SLC35F1: variants seen among roughly 807,000 people sequenced by gnomAD.
SLC35F1 encodes solute carrier family 35 member F1.
SLC35F1 carries 14 observed loss-of-function variants against 48.7 expected under a neutral mutation model. The observed-to-expected ratio is 0.29, with a 90% CI of 0.19 to 0.45. The LOEUF is 0.45. Among genes scored for constraint, SLC35F1 ranks in the 20% least tolerant of loss-of-function variants. The pLI is 1.00. For synonymous variants in SLC35F1, 190 were observed against 202.2 expected (o/e 0.94, Z 0.51); for missense variants, 404 against 500.0 (o/e 0.81, Z 1.83).
chr6:118,052,923 C>G (rs1352313677), intron 1 of SLC35F1, among the ~76,000 whole-genome samples: 1 of 152,050 alleles, frequency 6.6e-6, no homozygotes, highest in African/African-American at 2.4e-5. Context: ...TTTCCATAAA[C>G]TGTCTGTTAT....
chr6:117,962,074 C>T (rs1776504704), intron 1 of SLC35F1, among the ~76,000 whole-genome samples: 1 of 152,182 alleles, frequency 6.6e-6, no homozygotes, highest in South Asian at 2.1e-4. Context: ...TGTTTAGTAA[C>T]TCTTGTATTA....
At chr6:118,146,603 C>T (rs1773976521) in intron 1 of SLC35F1, among the ~76,000 whole-genome samples, 1 of 152,256 alleles carries the variant, frequency 6.6e-6, no homozygotes, top group South Asian at 2.1e-4. Flanking sequence ...CAACTTCCAG[C>T]AGTTTCATAT....
At chr6:118,001,571 A>C (rs1777095281) in intron 1 of SLC35F1, among the ~76,000 whole-genome samples, 1 of 152,108 alleles carries the variant, frequency 6.6e-6, no homozygotes, top group Non-Finnish European at 1.5e-5. Context: ...CACCAAAAGC[A>C]ATGGCAACAA....
At chr6:118,272,124 T>G (rs1775858895) in intron 4 of SLC35F1, among the ~76,000 whole-genome samples, 1 of 152,208 alleles carries the variant, frequency 6.6e-6, no homozygotes, top group Non-Finnish European at 1.5e-5. Context: ...TTATTGAGAA[T>G]GTATAATGCT....
intron 1 of SLC35F1, among the ~76,000 whole-genome samples, chr6:118,138,865 T>G (rs1318260378): frequency 6.6e-6 from 1 of 152,068 alleles, no homozygotes; most frequent in African/African-American, 2.4e-5. Flanking sequence ...TCATTTGAAT[T>G]TAGTCTCTTT....
chr6:117,946,729 T>A (rs990731921), intron 1 of SLC35F1, among the ~76,000 whole-genome samples: 4 of 152,222 alleles, frequency 2.6e-5, no homozygotes. Flanking sequence ...TAGAAAAACA[T>A]TGACCTTTTT....
chr6:117,921,638 G>A (rs1325148463), intron 1 of SLC35F1, among the ~76,000 whole-genome samples: 3 of 152,150 alleles, frequency 2.0e-5, no homozygotes, highest in Non-Finnish European at 2.9e-5. Flanking sequence ...AGGCAATGAG[G>A]TGCTTGCTAG....
intron 1 of SLC35F1, among the ~76,000 whole-genome samples, chr6:118,141,684 G>T (rs1773892082): frequency 6.6e-6 from 1 of 152,108 alleles, no homozygotes; most frequent in Admixed American, 6.5e-5. Flanking sequence ...GACCTAATCA[G>T]CATCCAATGG....
chr6:118,058,680 TCTTTG>T (rs1252608542), intron 1 of SLC35F1, among the ~76,000 whole-genome samples: 2 of 152,232 alleles, frequency 1.3e-5, no homozygotes, highest in African/African-American at 4.8e-5. Context: ...TTCTAATAAA[TCTTTG>T]CTTTGCTGTT....
chr6:118,218,532 A>G (rs1461296878), intron 2 of SLC35F1, among the ~76,000 whole-genome samples: 2 of 152,202 alleles, frequency 1.3e-5, no homozygotes, highest in East Asian at 1.9e-4. Flanking sequence ...ATTATCTTCC[A>G]GATTTACATT....
chr6:118,102,590 G>A (rs768130976), intron 1 of SLC35F1, among the ~76,000 whole-genome samples: 2 of 152,252 alleles, frequency 1.3e-5, no homozygotes, highest in African/African-American at 2.4e-5. Context: ...TGGATGCTAA[G>A]TGACAGTTTC....
chr6:118,292,471 C>T (rs1776136502), intron 7 of SLC35F1, among the ~76,000 whole-genome samples: 2 of 152,198 alleles, frequency 1.3e-5, no homozygotes, highest in South Asian at 4.1e-4. Flanking sequence ...GATTGGACCA[C>T]TGACCTAGTA....
intron 1 of SLC35F1, among the ~76,000 whole-genome samples, chr6:117,940,317 T>A (rs2789010): frequency 6.6e-6 from 1 of 151,996 alleles, no homozygotes; most frequent in South Asian, 2.1e-4. Context: ...AGGATGGAGT[T>A]TTCTTTCATT....
chr6:118,130,161 A>G (rs756414099), intron 1 of SLC35F1, among the ~76,000 whole-genome samples: 4 of 152,240 alleles, frequency 2.6e-5, no homozygotes, highest in Admixed American at 6.5e-5. Flanking sequence ...CCACAACTGT[A>G]ACATGGAAAT....
intron 1 of SLC35F1, among the ~76,000 whole-genome samples, chr6:117,978,813 A>G (rs952487201): frequency 6.6e-6 from 1 of 152,248 alleles, no homozygotes; most frequent in African/African-American, 2.4e-5. Flanking sequence ...ATTTCTGTAT[A>G]AGCCTGTCCC....
At chr6:117,977,058 A>G (rs1313837824) in intron 1 of SLC35F1, among the ~76,000 whole-genome samples, 1 of 152,098 alleles carries the variant, frequency 6.6e-6, no homozygotes, top group East Asian at 1.9e-4. Flanking sequence ...ATGCTTTTCC[A>G]TTTTCTACAC....
intron 1 of SLC35F1, among the ~76,000 whole-genome samples, chr6:118,115,621 T>TA (rs749821066): frequency 1.2e-4 from 18 of 152,196 alleles, no homozygotes; most frequent in South Asian, 2.1e-4. Context: ...ACCTGAGACT[T>TA]ACGCAGCTCT....
At chr6:118,150,462 G>C (rs772157460) in intron 1 of SLC35F1, among the ~76,000 whole-genome samples, 5 of 152,102 alleles carry the variant, frequency 3.3e-5, no homozygotes, top group African/African-American at 4.8e-5. Flanking sequence ...TAACTAATCT[G>C]TCATTTATTT....
chr6:117,917,511 G>A (rs1021863066), intron 1 of SLC35F1, among the ~76,000 whole-genome samples: 3 of 151,888 alleles, frequency 2.0e-5, no homozygotes, highest in African/African-American at 7.3e-5. Flanking sequence ...ACTGGGAGGT[G>A]GAGTACACAG....
Sources: allele counts gnomAD v4.1 joint callset (sites outside exome capture counted in the v4.1 genomes callset), GRCh38; gene constraint gnomAD v4.1.1; transcripts MANE v1.5; gene names NCBI Gene and HGNC (gene_info 2026-07-23, HGNC 2026-07-21).